PTPRD: variants seen among roughly 807,000 people sequenced by gnomAD.
PTPRD encodes protein tyrosine phosphatase receptor type D.
PTPRD carries 34 observed loss-of-function variants against 214.5 expected under a neutral mutation model. The ratio of observed to expected loss-of-function variants is 0.16; its 90% CI spans 0.12 to 0.21. The LOEUF (loss-of-function observed/expected upper bound fraction) is 0.21. Ranked by LOEUF, PTPRD falls within the 10% of genes least tolerant of loss-of-function variation. The probability of loss-of-function intolerance (pLI) is 1.00; values close to 1 mark genes in which losing one functional copy is unlikely to be tolerated. For missense variants in PTPRD, 2,545 were observed against 2,398.7 expected, an observed-to-expected ratio of 1.06 and a Z score of -1.27; for synonymous variants, 1,128 against 845.7, an observed-to-expected ratio of 1.33 and a Z score of -5.79.
chr9:8,675,559 A>G (rs1386241847), intron 12 of PTPRD, among the ~76,000 whole-genome samples: 2 of 149,986 alleles, frequency 1.3e-5, no homozygotes, highest in Admixed American at 6.7e-5. Context: ...AAAAAAAAAA[A>G]AAAACCTCAC....
intron 14 of PTPRD, among the ~76,000 whole-genome samples, chr9:8,548,523 A>C (rs2080993832): frequency 6.6e-6 from 1 of 151,734 alleles, no homozygotes; most frequent in Non-Finnish European, 1.5e-5. Flanking sequence ...ACGCACCACC[A>C]AACCTGGCTA....
intron 3 of PTPRD, among the ~76,000 whole-genome samples, chr9:10,261,058 GTA>G (rs1564852598): frequency 7.5e-6 from 1 of 132,592 alleles, no homozygotes; most frequent in Non-Finnish European, 1.6e-5. Flanking sequence ...TTATATATGT[GTA>G]TATATATTAT....
At chr9:8,548,322 G>C (rs893561483) in intron 14 of PTPRD, among the ~76,000 whole-genome samples, 4 of 152,092 alleles carry the variant, frequency 2.6e-5, no homozygotes, top group Admixed American at 6.6e-5. Context: ...TGACAAGCTG[G>C]AAGGAATCTG....
intron 35 of PTPRD, among the ~76,000 whole-genome samples, chr9:8,431,731 T>G (rs1417028717): frequency 1.3e-5 from 2 of 152,200 alleles, no homozygotes; most frequent in Non-Finnish European, 2.9e-5. Flanking sequence ...AAATGCAGAT[T>G]TGTGGATACC....
chr9:10,230,396 C>T (rs1356589907), intron 3 of PTPRD, among the ~76,000 whole-genome samples: 1 of 149,452 alleles, frequency 6.7e-6, no homozygotes, highest in Non-Finnish European at 1.5e-5. Flanking sequence ...AAACAGCTAT[C>T]TATCTCTCTA....
intron 22 of PTPRD, among the ~76,000 whole-genome samples, chr9:8,505,624 C>T (rs1285903284): frequency 1.8e-5 from 1 of 55,742 alleles, no homozygotes; most frequent in East Asian, 5.5e-4. Context: ...GACTCTGTCT[C>T]AAAAAAAAAA....
intron 8 of PTPRD, among the ~76,000 whole-genome samples, chr9:9,415,788 GA>G (rs1285617026): frequency 6.6e-6 from 1 of 152,148 alleles, no homozygotes; most frequent in East Asian, 1.9e-4. Flanking sequence ...TAGTGGAAGT[GA>G]AAGATACAAG....
At chr9:9,261,777 T>C (rs1309596272) in intron 9 of PTPRD, among the ~76,000 whole-genome samples, 2 of 151,744 alleles carry the variant, frequency 1.3e-5, no homozygotes, top group African/African-American at 4.8e-5. Context: ...GCTATATCTG[T>C]TTTTGGCTAA....
At chr9:10,087,268 T>C (rs573371047) in intron 3 of PTPRD, among the ~76,000 whole-genome samples, 1 of 151,756 alleles carries the variant, frequency 6.6e-6, no homozygotes, top group South Asian at 2.1e-4. Context: ...ATATTTAAAA[T>C]TCTTCTCCCA....
At chr9:9,814,685 C>T (rs997707134) in intron 5 of PTPRD, among the ~76,000 whole-genome samples, 1 of 151,986 alleles carries the variant, frequency 6.6e-6, no homozygotes, top group African/African-American at 2.4e-5. Flanking sequence ...CTCAAACAAT[C>T]TACAGGTTCC....
intron 37 of PTPRD, among the ~76,000 whole-genome samples, chr9:8,380,278 T>A (rs2084609955): frequency 6.6e-6 from 1 of 152,134 alleles, no homozygotes; most frequent in African/African-American, 2.4e-5. Context: ...CTAAGTGGGG[T>A]GTTTCTAAAC....
rs191170804 is a variant in PTPRD at position 8,668,502 on chromosome 9, A to G, written c.65-31658T>C. Among the ~76,000 whole-genome samples the G allele has an allele frequency of 4.8e-4, 73 of 152,330 alleles. No homozygotes were observed. In the East Asian group the frequency reaches 0.012, roughly 25 times the overall value. Reference sequence around the variant, plus strand: ...TGTATGGCAAAGCGTTCCAGAAAGTACCATCTTACATAGAATAAGATAATT... The same window carrying G: ...TGTATGGCAAAGCGTTCCAGAAAGTGCCATCTTACATAGAATAAGATAATT... On this transcript the variant is annotated intron_variant, in intron 12 of 45. Coordinates refer to ENST00000381196, the MANE Select transcript of PTPRD (RefSeq NM_002839.4).
intron 8 of PTPRD, among the ~76,000 whole-genome samples, chr9:9,523,037 CTAACT>C (rs2097026885): frequency 7.9e-5 from 12 of 152,058 alleles, no homozygotes; most frequent in Admixed American, 7.9e-4. Flanking sequence ...AAAAAGTGAC[CTAACT>C]TAATCATAAT....
chr9:9,968,448 A>G (rs1007601351), intron 4 of PTPRD, among the ~76,000 whole-genome samples: 1 of 152,244 alleles, frequency 6.6e-6, no homozygotes, highest in African/African-American at 2.4e-5. Context: ...ATATATTTGC[A>G]TATCTAATTA....
At chr9:9,770,214 C>T (rs1048841538) in intron 5 of PTPRD, among the ~76,000 whole-genome samples, 2 of 152,182 alleles carry the variant, frequency 1.3e-5, no homozygotes, top group African/African-American at 2.4e-5. Context: ...AACTAATTTA[C>T]ACTCACACCA....
At chr9:10,153,017 G>C (rs2099071359) in intron 3 of PTPRD, among the ~76,000 whole-genome samples, 1 of 152,214 alleles carries the variant, frequency 6.6e-6, no homozygotes, top group Admixed American at 6.5e-5. Flanking sequence ...GGGCTGATGG[G>C]TGAGGAATGG....
intron 3 of PTPRD, among the ~76,000 whole-genome samples, chr9:10,198,655 A>G (rs1167925251): frequency 6.6e-6 from 1 of 152,168 alleles, no homozygotes; most frequent in African/African-American, 2.4e-5. Context: ...GTGGTTAATC[A>G]AAACCTTGGA....
intron 7 of PTPRD, among the ~76,000 whole-genome samples, chr9:9,700,574 T>C (rs1385209400): frequency 6.6e-6 from 1 of 152,106 alleles, no homozygotes; most frequent in Non-Finnish European, 1.5e-5. Flanking sequence ...CTGAAAGTGG[T>C]AACAATTGTT....
chr9:10,197,757 T>A (rs2154330299), intron 3 of PTPRD, among the ~76,000 whole-genome samples: 1 of 152,148 alleles, frequency 6.6e-6, no homozygotes, highest in Non-Finnish European at 1.5e-5. Flanking sequence ...TAGAGAAGAA[T>A]TTTTATTCAG....
Sources: gnomAD v4.1 joint callset for allele counts (sites outside exome capture counted in the v4.1 genomes callset) on GRCh38, gnomAD v4.1.1 for gene constraint, MANE v1.5 for transcripts, NCBI Gene and HGNC (gene_info 2026-07-23, HGNC 2026-07-21) for gene names.